Variants in AKAP9 observed in about 807,000 individuals in gnomAD.
AKAP9 encodes the protein A-kinase anchoring protein 9, also known as A-kinase anchor protein 9.
Under a neutral mutation model 488.5 loss-of-function variants are expected in AKAP9, and 311 were observed. The observed-to-expected ratio is 0.64, with a 90% confidence interval of 0.58 to 0.70. The LOEUF is 0.70. Among genes scored for constraint, AKAP9 ranks in the 30% least tolerant of loss-of-function variants. The pLI is 0.00. For synonymous variants in AKAP9, 1,462 were observed against 1,483.5 expected (o/e 0.99, Z 0.33); for missense variants, 4,215 against 4,374.5 (o/e 0.96, Z 1.03).
chr7:91,980,917 A>T (rs531016913), intron 3 of AKAP9, among the ~76,000 whole-genome samples: 1 of 152,054 alleles, frequency 6.6e-6, no homozygotes, highest in Non-Finnish European at 1.5e-5. Flanking sequence ...GAGACTATAA[A>T]CTATTCTGTA....
chr7:91,992,878 G>T lies in AKAP9; in HGVS notation c.406-7G>T. 6.2e-7 allele frequency: 1 copy of T among 1,613,088 alleles called. No individual in the cohort carries two copies. Among genetic ancestry groups the T allele is most frequent in the Non-Finnish European group, 8.5e-7 (1 of 1,179,344 alleles). ...ACTGAATTCTTTAAAATCTTGGATTGATTTAGGAAGAAGAATTTGGTGTTG... is the reference window on the plus strand; with the variant it reads ...ACTGAATTCTTTAAAATCTTGGATTTATTTAGGAAGAAGAATTTGGTGTTG... On this transcript the variant is annotated splice_region_variant and splice_polypyrimidine_tract_variant and intron_variant, in intron 4 of 49. Transcript: ENST00000356239.
At chr7:92,012,375 T>A in intron 8 of AKAP9, 54 bp from the exon 9 acceptor site, 1 of 1,496,600 alleles carries the variant, frequency 6.7e-7, no homozygotes, top group Non-Finnish European at 9.2e-7. Context: ...AGAAGTTAAA[T>A]TATTTGATTT....
chr7:92,042,327 G>A (rs938678241), intron 19 of AKAP9, 141 bp downstream of exon 19: 1 of 1,125,436 alleles, frequency 8.9e-7, no homozygotes, highest in Non-Finnish European at 1.3e-6. Context: ...TAAGGTAGGT[G>A]GAGTCAAAAT....
chr7:91,966,187 C>G (rs974456768), intron 1 of AKAP9, among the ~76,000 whole-genome samples: 1 of 152,166 alleles, frequency 6.6e-6, no homozygotes, highest in Admixed American at 6.5e-5. Context: ...CCACCACACT[C>G]TTCTGAAACT....
intron 22 of AKAP9, among the ~76,000 whole-genome samples, chr7:92,055,739 A>G (rs1482129598): frequency 6.6e-6 from 1 of 152,078 alleles, no homozygotes; most frequent in East Asian, 1.9e-4. Flanking sequence ...GGGAAGCAAG[A>G]TAGAATATAA....
At chr7:92,038,386 C>A in intron 16 of AKAP9, 33 bp from the exon 17 acceptor site, 2 of 1,529,888 alleles carry the variant, frequency 1.3e-6, no homozygotes, top group South Asian at 2.3e-5. Context: ...ATTTCTAAAT[C>A]TAATCCTTTA....
intron 4 of AKAP9, 148 bp from the exon 5 acceptor site, chr7:91,992,737 A>G (rs1797927747): frequency 2.9e-6 from 2 of 682,910 alleles, no homozygotes; most frequent in Non-Finnish European, 5.1e-6. Context: ...TGAGGTAAAT[A>G]TGTTAACGAA....
At position 92,077,017 on chromosome 7, in the gene AKAP9, TAAG is replaced by T; in HGVS notation, c.6765+13_6765+15del. 2 of 1,510,294 alleles carry T rather than the reference TAAG, an allele frequency of 1.3e-6. No homozygotes were observed. Among genetic ancestry groups the T allele is most frequent in the Non-Finnish European group, 1.8e-6 (2 of 1,112,946 alleles). The allele number at this position is 1,510,294 out of a possible 1,614,324, so 93.6% of individuals were successfully genotyped here. The stretch of plus-strand genomic sequence containing the variant: ...AAACAAATTATTTAAGGTAATTAGT[TAAG>T]AAAAACTTTTATCTGTAAATAAGTC... On this transcript the variant is annotated intron_variant, in intron 29 of 49. Transcript: ENST00000356239.
Position 92,096,985 on chromosome 7 carries a change from G to T in AKAP9, c.10026G>T (p.Glu3342Asp), listed in dbSNP as rs1351101331. 1.2e-6 allele frequency: 2 copies of T among 1,614,154 alleles called. No individual in the cohort carries two copies. The highest frequency in any genetic ancestry group is 2.2e-5 in the East Asian group (1 of 44,884). ...TGQSRPPLPS[E>D]DLLKELQKQL... ...AGTCTCGGCCACCCTTGCCCTCAGAGGACCTACTGAAAGAGCTGCAGAAAC... is the reference window on the plus strand; with the variant it reads ...AGTCTCGGCCACCCTTGCCCTCAGATGACCTACTGAAAGAGCTGCAGAAAC... Residue 3342 changes from glutamate (E) to aspartate (D), a missense_variant, in exon 41 of 50, where the codon GAG becomes GAT. By Grantham distance (45) the Glu-to-Asp change is conservative. Around this residue, in one of 5 missense-constraint regions of AKAP9, gnomAD observed 1,476 missense variants for 1,477.4 expected, o/e 1.00. Coordinates refer to ENST00000356239, the MANE Select transcript of AKAP9 (RefSeq NM_005751.5).
intron 1 of AKAP9, among the ~76,000 whole-genome samples, chr7:91,945,685 T>C (rs1454713023): frequency 6.6e-6 from 1 of 152,218 alleles, no homozygotes; most frequent in African/African-American, 2.4e-5. Context: ...TACTGCATTA[T>C]GTATTAAGTA....
intron 1 of AKAP9, among the ~76,000 whole-genome samples, chr7:91,973,345 A>G (rs1363927892): frequency 2.6e-5 from 4 of 152,192 alleles, no homozygotes; most frequent in Non-Finnish European, 5.9e-5. Context: ...ACTGCACTCC[A>G]GCCTGGATGA....
intron 16 of AKAP9, among the ~76,000 whole-genome samples, chr7:92,034,405 A>T (rs1804808793): frequency 6.6e-6 from 1 of 151,788 alleles, no homozygotes; most frequent in African/African-American, 2.4e-5. Context: ...CAGGAGGAAG[A>T]AATCAGGGAA....
At chr7:92,089,300 A>G (rs1815125687) in intron 37 of AKAP9, 85 bp from the exon 38 acceptor site, 3 of 1,494,422 alleles carry the variant, frequency 2.0e-6, no homozygotes, top group African/African-American at 1.4e-5. Context: ...TGTGTGTTCC[A>G]TTCATTCTTC....
At chr7:91,975,727 GT>G (rs1349776602) in intron 2 of AKAP9, among the ~76,000 whole-genome samples, 2 of 150,618 alleles carry the variant, frequency 1.3e-5, no homozygotes, top group Non-Finnish European at 1.5e-5. Flanking sequence ...AAGCATTCAG[GT>G]TTTTTTTTAA....
chr7:92,022,460 T>G, intron 13 of AKAP9, 108 bp downstream of exon 13: 1 of 783,090 alleles, frequency 1.3e-6, no homozygotes, highest in Non-Finnish European at 2.2e-6. Context: ...GGCATTTCAC[T>G]GTAGCCTCTC....
At chr7:92,034,930 GTTGTTTTTATTGTTT>G (rs1804945210) in intron 16 of AKAP9, among the ~76,000 whole-genome samples, 1 of 151,966 alleles carries the variant, frequency 6.6e-6, no homozygotes, top group Non-Finnish European at 1.5e-5. Context: ...TTGTTTCATT[GTTGTTTTTATTGTTT>G]TTGTTTTTAT....
chr7:91,950,807 A>G (rs945511308), intron 1 of AKAP9, among the ~76,000 whole-genome samples: 3 of 152,208 alleles, frequency 2.0e-5, no homozygotes, highest in Non-Finnish European at 2.9e-5. Context: ...TTAAAACTGC[A>G]TTAGGAAATA....
chr7:92,078,038 C>T (rs1812902702), intron 30 of AKAP9, among the ~76,000 whole-genome samples, 163 bp downstream of exon 30: 1 of 151,810 alleles, frequency 6.6e-6, no homozygotes, highest in African/African-American at 2.4e-5. Flanking sequence ...GCTCTGTCGC[C>T]CAGGCTGGAG....
intron 8 of AKAP9, among the ~76,000 whole-genome samples, chr7:92,006,344 A>C (rs979236686): frequency 1.3e-5 from 2 of 151,352 alleles, no homozygotes; most frequent in Non-Finnish European, 2.9e-5. Flanking sequence ...AGAGACAGGG[A>C]TTTGCCATGT....
Sources: allele counts gnomAD v4.1 joint callset (sites outside exome capture counted in the v4.1 genomes callset), GRCh38; gene constraint gnomAD v4.1.1; regional missense constraint gnomAD v4.1.1; transcripts MANE v1.5; gene names NCBI Gene and HGNC (gene_info 2026-07-23, HGNC 2026-07-21).